Variants in DYRK3 observed in about 807,000 individuals in gnomAD.
DYRK3 encodes dual specificity tyrosine phosphorylation regulated kinase 3.
Under a neutral mutation model 40.8 loss-of-function variants are expected in DYRK3, and 30 were observed. The observed-to-expected ratio is 0.74, with a 90% CI of 0.55 to 1.00. The LOEUF (loss-of-function observed/expected upper bound fraction) is 1.00, where lower values mean the gene tolerates loss of function less well. Ranked by LOEUF, DYRK3 falls within the 50% of genes least tolerant of loss-of-function variation. The pLI is 0.00. For missense variants in DYRK3, 699 were observed against 731.5 expected (o/e 0.96, Z 0.51); for synonymous variants, 272 against 260.7 (o/e 1.04, Z -0.42).
In DYRK3 at chr1:206,637,117, GC is replaced by G. The variant is rs1553418509; in HGVS notation, c.78-531del. Reference sequence around the variant, plus strand: ...GCCTTAAAAAGGCCTTTTATTTCTTGCCTGTAAGACCCAGAAGTGTGAAGAC... The same window carrying G: ...GCCTTAAAAAGGCCTTTTATTTCTTGCTGTAAGACCCAGAAGTGTGAAGAC... On this transcript the variant is annotated intron_variant, in intron 1 of 2. Coordinates refer to ENST00000367109, the MANE Select transcript of DYRK3 (RefSeq NM_003582.4). 5 of 612,886 alleles carry G rather than the reference GC, an allele frequency of 8.2e-6. No homozygotes were observed. The Admixed American group carries it at 1.4e-4, about 17-fold the overall frequency. The allele number at this position is 612,886 out of a possible 1,614,324, so 38.0% of individuals were successfully genotyped here.
At chr1:206,635,900 G>A (rs1553418231) in intron 1 of DYRK3, 120 bp downstream of exon 1, 2 of 1,289,564 alleles carry the variant, frequency 1.6e-6, no homozygotes, top group African/African-American at 1.5e-5. Context: ...CGAGGGCAGG[G>A]GTCTGACTGC....
intron 2 of DYRK3, among the ~76,000 whole-genome samples, chr1:206,644,543 C>G (rs374703401): frequency 6.6e-6 from 1 of 152,104 alleles, no homozygotes; most frequent in Non-Finnish European, 1.5e-5. Context: ...AATTAAAATT[C>G]TTTTCCTAGT....
rs554249009 is a variant in DYRK3, at chr1:206,643,212, G to A, written c.190-4176G>A. ...GCACAGCCCCTTTTAGGTACCCAGA[G>A]GGTTCCTACTTGAAATTTGGACACT... On this transcript the variant is annotated intron_variant, in intron 2 of 2. Transcript: ENST00000367109. 1.6e-4 allele frequency among the ~76,000 whole-genome samples: 24 copies of A among 152,214 alleles called. No homozygotes were observed. The South Asian group carries it at 5.0e-3, about 32-fold the overall frequency.
In DYRK3 at chr1:206,650,040, C is replaced by T. The variant is rs1553421109; in HGVS notation, c.*1075C>T. Among the ~76,000 whole-genome samples the T allele has an allele frequency of 6.6e-6, 1 of 152,146 alleles. No individual in the cohort carries two copies. Among genetic ancestry groups the T allele is most frequent in the Non-Finnish European group, 1.5e-5 (1 of 68,034 alleles). On this transcript the variant is annotated 3_prime_UTR_variant, in exon 3 of 3. Transcript: ENST00000367109. Reference sequence around the variant, plus strand: ...CAGAAACTGGTGATAATCAAGTTTTCCCTTTTTATGTTTCTTAATTTTATT... The same window carrying T: ...CAGAAACTGGTGATAATCAAGTTTTTCCTTTTTATGTTTCTTAATTTTATT...
At position 206,648,653 on chromosome 1, in the gene DYRK3, A is replaced by C; in HGVS notation, c.1455A>C (p.Thr485=). 1 of 1,614,020 alleles carries C rather than the reference A, an allele frequency of 6.2e-7. No homozygotes were observed. Among genetic ancestry groups the C allele is most frequent in the East Asian group, 2.2e-5 (1 of 44,886 alleles). The change falls in exon 3 of 3, where the codon ACA becomes ACC. Residue 485 remains threonine (T), a synonymous_variant. Transcript: ENST00000367109. Reference sequence around the variant, plus strand: ...CCCCAGGCAGCAAAGACTGGGGGACAGCACTGAAAGGGTGTGATGACTACT... The same window carrying C: ...CCCCAGGCAGCAAAGACTGGGGGACCGCACTGAAAGGGTGTGATGACTACT... ...RGPPGSKDWG[T]ALKGCDDYLF...
intron 2 of DYRK3, among the ~76,000 whole-genome samples, chr1:206,638,563 C>G (rs1162699200): frequency 6.6e-6 from 1 of 150,930 alleles, no homozygotes; most frequent in Non-Finnish European, 1.5e-5. Context: ...CGTGAGCCAC[C>G]GTGCTTGGCA....
Position 206,637,772 on chromosome 1 carries a change from G to C in DYRK3, c.189+11G>C, listed in dbSNP as rs1481208082. The C allele has an allele frequency of 5.0e-6, 8 of 1,594,380 alleles. No individual in the cohort carries two copies. The African/African-American group carries it at 9.4e-5, about 19-fold the overall frequency. The stretch of plus-strand genomic sequence containing the variant: ...CCCAGAAGACTAAATGTAAGTAAAA[G>C]AAGTCATTCTTTGTACATGAATTGT... On this transcript the variant is annotated intron_variant, in intron 2 of 2. Transcript: ENST00000367109.
At chr1:206,639,718 C>A (rs945840120) in intron 2 of DYRK3, among the ~76,000 whole-genome samples, 4 of 151,484 alleles carry the variant, frequency 2.6e-5, no homozygotes, top group South Asian at 2.1e-4. Flanking sequence ...CCTCAGCTCC[C>A]CAAAGTGCTG....
chr1:206,638,132 A>G (rs534044725), intron 2 of DYRK3, among the ~76,000 whole-genome samples: 5 of 152,238 alleles, frequency 3.3e-5, no homozygotes, highest in African/African-American at 1.2e-4. Context: ...GATCTGCAGG[A>G]GTTTTTTTTC....
At position 206,635,765 on chromosome 1, in the gene DYRK3, C is replaced by T; in HGVS notation, c.62C>T (p.Pro21Leu). ...GCGGGGCCGCCTGGGGCCGGGCTCC[C>T]GCCCCAGCAGCGGAGGTAACGGCGC... ...KDAGPPGAGL[P>L]PQQRRLGDGV... The change falls in exon 1 of 3, where the codon CCG becomes CTG. Residue 21 changes from proline to leucine, a missense_variant. Coordinates refer to ENST00000367109, the MANE Select transcript of DYRK3 (RefSeq NM_003582.4). 1 of 1,244,648 alleles carries T rather than the reference C, an allele frequency of 8.0e-7. No homozygotes were observed. The highest frequency in any genetic ancestry group is 1.0e-6 in the Non-Finnish European group (1 of 989,200). The allele number at this position is 1,244,648 out of a possible 1,614,324, so 77.1% of individuals were successfully genotyped here.
chr1:206,636,379 C>G (rs1671110812), intron 1 of DYRK3, among the ~76,000 whole-genome samples: 1 of 152,216 alleles, frequency 6.6e-6, no homozygotes, highest in African/African-American at 2.4e-5. Context: ...CTGTTAGTCA[C>G]TAGGCAATTT....
At chr1:206,638,527 G>A (rs1671187193) in intron 2 of DYRK3, among the ~76,000 whole-genome samples, 1 of 151,380 alleles carries the variant, frequency 6.6e-6, no homozygotes, top group Non-Finnish European at 1.5e-5. Flanking sequence ...ACCCGCCTCG[G>A]CTTCCCAAAG....
At chr1:206,642,042 T>C (rs1230044553) in intron 2 of DYRK3, among the ~76,000 whole-genome samples, 7 of 150,668 alleles carry the variant, frequency 4.6e-5, no homozygotes, top group Non-Finnish European at 7.4e-5. Flanking sequence ...GACAAAGGGC[T>C]AATATCCAGA....
chr1:206,648,071 G>C lies in DYRK3; in HGVS notation c.873G>C (p.Leu291=). The part of the protein sequence containing the change: ...RNHVCMAFEL[L]SIDLYELIKK... ...ATGTTTGCATGGCCTTTGAATTGCT[G>C]AGCATAGACCTTTATGAGCTGATTA... is the stretch of plus-strand genomic sequence containing the variant. The change falls in exon 3 of 3, where the codon CTG becomes CTC. Residue 291 remains leucine, a synonymous_variant. Coordinates refer to ENST00000367109, the MANE Select transcript of DYRK3 (RefSeq NM_003582.4). 1 of 1,614,100 alleles carries C rather than the reference G, an allele frequency of 6.2e-7. No homozygotes were observed. Among genetic ancestry groups the C allele is most frequent in the Non-Finnish European group, 8.5e-7 (1 of 1,180,022 alleles).
Position 206,637,644 on chromosome 1 carries a change from A to C in DYRK3, c.78-6A>C. 6.2e-7 allele frequency: 1 copy of C among 1,604,374 alleles called. No individual in the cohort carries two copies. The highest frequency in any genetic ancestry group is 8.5e-7 in the Non-Finnish European group (1 of 1,171,908). On this transcript the variant is annotated splice_polypyrimidine_tract_variant and splice_region_variant and intron_variant, in intron 1 of 2. Coordinates refer to ENST00000367109, the MANE Select transcript of DYRK3 (RefSeq NM_003582.4). ...GACAGATTTTGTCTGTAATCCTTTTAACTAGGTTGGGGGATGGTGTCTATG... is the reference window on the plus strand; with the variant it reads ...GACAGATTTTGTCTGTAATCCTTTTCACTAGGTTGGGGGATGGTGTCTATG...
At position 206,637,704 on chromosome 1, in the gene DYRK3, C is replaced by G. The variant is rs373610786; in HGVS notation, c.132C>G (p.Pro44=). 1.9e-6 allele frequency: 3 copies of G among 1,613,788 alleles called. No homozygotes were observed. Among genetic ancestry groups the G allele is most frequent in the Non-Finnish European group, 2.5e-6 (3 of 1,179,948 alleles). Residue 44 remains proline, a synonymous_variant, in exon 2 of 3, where the codon CCC becomes CCG. Transcript: ENST00000367109. ...TFMMIDETKC[P]PCSNVLCNPS... is the part of the protein sequence containing the mutation. Reference sequence around the variant, plus strand: ...TGATGATAGATGAAACCAAATGTCCCCCCTGTTCAAATGTACTCTGCAATC... The same window carrying G: ...TGATGATAGATGAAACCAAATGTCCGCCCTGTTCAAATGTACTCTGCAATC...
rs1671683745 is a variant in DYRK3 at position 206,653,537 on chromosome 1, A to G, written c.*4572A>G. ...GATGCCCGCTGATCATGTGCAGATG[A>G]TGGAAGCTCATTTCCTTCCATGAAC... On this transcript the variant is annotated 3_prime_UTR_variant, in exon 3 of 3. Transcript: ENST00000367109. Among the ~76,000 whole-genome samples the G allele has an allele frequency of 6.6e-6, 1 of 152,170 alleles. No individual in the cohort carries two copies. The highest frequency in any genetic ancestry group is 1.5e-5 in the Non-Finnish European group (1 of 68,034).
chr1:206,648,191 T>G lies in DYRK3; in HGVS notation c.993T>G (p.Ile331Met). ...QSLDALHKNK[I>M]IHCDLKPENI... ...TGGATGCCCTCCACAAAAATAAGAT[T>G]ATTCACTGCGATCTGAAGCCAGAAA... The change falls in exon 3 of 3, where the codon ATT (isoleucine) becomes ATG (methionine). Residue 331 changes from isoleucine to methionine, a missense_variant. Transcript: ENST00000367109. 2 of 1,614,112 alleles carry G rather than the reference T, an allele frequency of 1.2e-6. No individual in the cohort carries two copies. The highest frequency in any genetic ancestry group is 2.2e-5 in the East Asian group (1 of 44,886).
chr1:206,646,440 C>G (rs1553420131), intron 2 of DYRK3, among the ~76,000 whole-genome samples: 1 of 152,054 alleles, frequency 6.6e-6, no homozygotes, highest in African/African-American at 2.4e-5. Context: ...TGTGGAAAAC[C>G]TGGTGAAAGG....
Sources: gnomAD v4.1 joint callset for allele counts (sites outside exome capture counted in the v4.1 genomes callset) on GRCh38, gnomAD v4.1.1 for gene constraint, MANE v1.5 for transcripts, NCBI Gene and HGNC (gene_info 2026-07-23, HGNC 2026-07-21) for gene names.